Variants in TRPS1 observed in about 807,000 individuals in gnomAD.
TRPS1 encodes the protein transcriptional repressor GATA binding 1, also known as zinc finger transcription factor Trps1.
TRPS1 carries 6 observed loss-of-function variants against 101.2 expected under a neutral mutation model. The ratio of observed to expected loss-of-function variants is 0.06; its 90% CI spans 0.03 to 0.12. The LOEUF is 0.12. Ranked by LOEUF, TRPS1 falls within the 10% of genes least tolerant of loss-of-function variation. The pLI is 1.00. For synonymous variants in TRPS1, 578 were observed against 589.8 expected, an observed-to-expected ratio of 0.98 and a Z score of 0.29; for missense variants, 1,363 against 1,567.0, an observed-to-expected ratio of 0.87 and a Z score of 2.20.
At chr8:115,500,346 A>G (rs1190435071) in intron 5 of TRPS1, among the ~76,000 whole-genome samples, 2 of 151,784 alleles carry the variant, frequency 1.3e-5, no homozygotes, top group Non-Finnish European at 2.9e-5. Context: ...AAGTTACTTA[A>G]AAAGTTCAGG....
chr8:115,418,207 A>G lies in TRPS1; in HGVS notation c.2823+123T>C. 6.6e-7 allele frequency: 1 copy of G among 1,515,222 alleles called. No homozygotes were observed. Among genetic ancestry groups the G allele is most frequent in the Non-Finnish European group, 9.1e-7 (1 of 1,095,580 alleles). 93.9% of individuals were successfully genotyped at this position (1,515,222 alleles called of 1,614,324 possible). A position where few individuals can be genotyped will look rare whatever the true frequency, so the allele number is the denominator to read the frequency against. On this transcript the variant is annotated intron_variant, in intron 6 of 6. Coordinates refer to ENST00000395715, the MANE Select transcript of TRPS1 (RefSeq NM_014112.5). This position sits in a 1 kb window ranked among gnomAD's most constrained non-coding sequence, Gnocchi z 4.3. ...ATAAATCACATGTGCACTCAAAGTG[A>G]CTGTATTAAAACAACCCTGCGGGGG... is the stretch of plus-strand genomic sequence containing the variant.
At chr8:115,535,304 T>TAGCATATATAG (rs1563583157) in intron 5 of TRPS1, among the ~76,000 whole-genome samples, 2 of 107,500 alleles carry the variant, frequency 1.9e-5, no homozygotes, top group African/African-American at 6.0e-5. Context: ...AGCATATATA[T>TAGCATATATAG]AGCATATATA....
At chr8:115,594,332 T>G (rs1343442153) in intron 4 of TRPS1, among the ~76,000 whole-genome samples, 1 of 152,080 alleles carries the variant, frequency 6.6e-6, no homozygotes, top group African/African-American at 2.4e-5. Flanking sequence ...ATTTTATAGA[T>G]CTCATTAGCA....
chr8:115,536,360 A>G (rs1816319756), intron 5 of TRPS1, among the ~76,000 whole-genome samples: 2 of 151,868 alleles, frequency 1.3e-5, no homozygotes, highest in Non-Finnish European at 2.9e-5. Flanking sequence ...CGCTACTAAA[A>G]ATACAAAAAA....
intron 1 of TRPS1, among the ~76,000 whole-genome samples, chr8:115,640,171 A>G (rs928354877): frequency 9.9e-5 from 15 of 152,194 alleles, no homozygotes; most frequent in African/African-American, 3.6e-4. Context: ...AAGAAAAAAA[A>G]TTCTCTATAA....
chr8:115,597,991 T>A (rs1817825241), intron 4 of TRPS1, among the ~76,000 whole-genome samples: 1 of 152,202 alleles, frequency 6.6e-6, no homozygotes, highest in African/African-American at 2.4e-5. Flanking sequence ...CTGATATCTT[T>A]TCAGTGGAAA....
intron 1 of TRPS1, chr8:115,637,450 TA>T (rs1250785010): frequency 4.2e-5 from 14 of 337,086 alleles, no homozygotes; most frequent in Non-Finnish European, 5.0e-5. Flanking sequence ...ACTCTGATCG[TA>T]AAAGGAAGTG....
intron 5 of TRPS1, among the ~76,000 whole-genome samples, chr8:115,531,119 G>T (rs1586369904): frequency 6.6e-6 from 1 of 152,002 alleles, no homozygotes; most frequent in East Asian, 1.9e-4. Context: ...TGATTTTCAT[G>T]TCAGAACAAA....
In TRPS1 at chr8:115,500,639, A is replaced by C. The variant is rs1815293221; in HGVS notation, c.2701-82187T>G. ...GGCTGGAGTACTGTGCTGTGATCTC[A>C]GCTCACTGCAAGCTCCGCCTCCCGG... is the stretch of plus-strand genomic sequence containing the variant. On this transcript the variant is annotated intron_variant, in intron 5 of 6. Coordinates refer to ENST00000395715, the MANE Select transcript of TRPS1 (RefSeq NM_014112.5). Among the ~76,000 whole-genome samples the C allele has an allele frequency of 2.0e-5, 3 of 152,058 alleles. No individual in the cohort carries two copies. In the South Asian group the frequency reaches 6.2e-4, roughly 32 times the overall value.
chr8:115,496,101 A>G (rs951876296), intron 5 of TRPS1, among the ~76,000 whole-genome samples: 7 of 152,304 alleles, frequency 4.6e-5, no homozygotes, highest in Admixed American at 1.3e-4. Context: ...TAACTACAAC[A>G]TGTCAAATCC....
intron 5 of TRPS1, among the ~76,000 whole-genome samples, chr8:115,561,281 G>A (rs952051295): frequency 1.3e-5 from 2 of 152,044 alleles, no homozygotes; most frequent in Admixed American, 6.6e-5. Context: ...AAGGCAAGGC[G>A]TGCATCTTGG....
chr8:115,531,716 T>C (rs1302636439), intron 5 of TRPS1, among the ~76,000 whole-genome samples: 1 of 151,782 alleles, frequency 6.6e-6, no homozygotes, highest in Non-Finnish European at 1.5e-5. Flanking sequence ...GAGTTTAGAA[T>C]ACATAGCTGA....
intron 4 of TRPS1, among the ~76,000 whole-genome samples, chr8:115,603,096 A>AT (rs1338507564): frequency 1.3e-5 from 2 of 152,154 alleles, no homozygotes; most frequent in African/African-American, 4.8e-5. Context: ...GTACAATAGG[A>AT]TTTTTGAAAT....
At chr8:115,460,748 T>C (rs1156651219) in intron 5 of TRPS1, among the ~76,000 whole-genome samples, 2 of 152,106 alleles carry the variant, frequency 1.3e-5, no homozygotes, top group African/African-American at 2.4e-5. Flanking sequence ...AAGAAGTAGT[T>C]TGGACGACTA....
At chr8:115,611,805 C>T (rs1818174931) in intron 3 of TRPS1, among the ~76,000 whole-genome samples, 1 of 152,144 alleles carries the variant, frequency 6.6e-6, no homozygotes. Flanking sequence ...ACGGTGCTTG[C>T]TATGTAATAA....
chr8:115,598,876 A>T (rs938313799), intron 4 of TRPS1, among the ~76,000 whole-genome samples: 1 of 152,180 alleles, frequency 6.6e-6, no homozygotes, highest in Non-Finnish European at 1.5e-5. Context: ...GTTAGTCTAC[A>T]GCTGTTTTTA....
chr8:115,453,382 T>C (rs1199741763), intron 5 of TRPS1, among the ~76,000 whole-genome samples: 3 of 152,176 alleles, frequency 2.0e-5, no homozygotes, highest in African/African-American at 7.2e-5. Flanking sequence ...GACAAACATA[T>C]GTACACAATC....
chr8:115,438,751 T>TTCTCCC (rs1166286752), intron 5 of TRPS1, among the ~76,000 whole-genome samples: 2 of 152,096 alleles, frequency 1.3e-5, no homozygotes, highest in Non-Finnish European at 2.9e-5. Flanking sequence ...CCTGCCTTCC[T>TTCTCCC]TCTCCCTCTC....
At chr8:115,577,436 CT>C (rs1411750134) in intron 5 of TRPS1, among the ~76,000 whole-genome samples, 2 of 152,010 alleles carry the variant, frequency 1.3e-5, no homozygotes, top group African/African-American at 4.8e-5. Flanking sequence ...ATTCTTGCCC[CT>C]GCTTCTTCAA....
Sources: gnomAD v4.1 joint callset for allele counts (sites outside exome capture counted in the v4.1 genomes callset) on GRCh38, gnomAD v4.1.1 for gene constraint, Gnocchi (gnomAD v3.1) non-coding constraint, MANE v1.5 for transcripts, NCBI Gene and HGNC (gene_info 2026-07-23, HGNC 2026-07-21) for gene names.